The following VCL variants were observed in gnomAD, a reference collection of about 807,000 sequenced individuals.
The protein encoded by VCL is vinculin.
VCL carries 47 observed loss-of-function variants against 125.7 expected under a neutral mutation model. The observed-to-expected ratio is 0.37, with a 90% CI of 0.30 to 0.48. The LOEUF (loss-of-function observed/expected upper bound fraction) is 0.48. Ranked by LOEUF, VCL falls within the 20% of genes least tolerant of loss-of-function variation. The pLI is 0.99. For missense variants in VCL, 1,069 were observed against 1,455.5 expected, an observed-to-expected ratio of 0.73 and a Z score of 4.32; for synonymous variants, 458 against 514.6, an observed-to-expected ratio of 0.89 and a Z score of 1.49.
intron 8 of VCL, among the ~76,000 whole-genome samples, chr10:74,085,362 A>G (rs1167268050): frequency 1.3e-5 from 2 of 152,232 alleles, no homozygotes; most frequent in Non-Finnish European, 2.9e-5. Context: ...ATGGGGAGAA[A>G]GAAACATAGC....
chr10:74,118,683 C>T lies in VCL; in HGVS notation c.*514C>T, dbSNP rs1840349298. On this transcript the variant is annotated 3_prime_UTR_variant, in exon 22 of 22. Transcript: ENST00000211998. ...ACCTTCCTTCCCTGGGCTGTGCTAC[C>T]TGGGTCCTTTTCAGAAGTGAGCTTT... The T allele has an allele frequency of 1.0e-5, 2 of 196,954 alleles. No homozygotes were observed. Among genetic ancestry groups the T allele is most frequent in the Admixed American group, 1.1e-4 (2 of 18,944 alleles). The allele number at this position is 196,954 out of a possible 1,614,324, so 12.2% of individuals were successfully genotyped here.
At chr10:74,086,550 C>T (rs530649557) in intron 8 of VCL, among the ~76,000 whole-genome samples, 17 of 152,362 alleles carry the variant, frequency 1.1e-4, no homozygotes, top group African/African-American at 3.8e-4. Flanking sequence ...CTTCTGATTT[C>T]TCACTTTTGT....
rs1840048272 is a variant in VCL at position 74,101,161 on chromosome 10, A to G, written c.2022+64A>G. ...GAAAGTTAATTACAGAACAGTTTCT[A>G]TACATTTTTGAATACTTACCGTAAG... is the stretch of plus-strand genomic sequence containing the variant. On this transcript the variant is annotated intron_variant, in intron 14 of 21. Transcript: ENST00000211998. The G allele has an allele frequency of 5.1e-6, 8 of 1,570,544 alleles. No individual in the cohort carries two copies. The South Asian group carries it at 9.2e-5, about 18-fold the overall frequency.
At chr10:74,039,291 A>G (rs565158007) in intron 1 of VCL, among the ~76,000 whole-genome samples, 9 of 150,508 alleles carry the variant, frequency 6.0e-5, no homozygotes, top group African/African-American at 2.2e-4. Flanking sequence ...AAGTCCTAAT[A>G]ATATTTCTTC....
intron 1 of VCL, among the ~76,000 whole-genome samples, chr10:74,032,708 AAATAT>A (rs759305994): frequency 3.4e-5 from 3 of 87,542 alleles, no homozygotes; most frequent in Admixed American, 1.3e-4. Context: ...TCAAAAAAAA[AAATAT>A]ATATATATAT....
intron 2 of VCL, among the ~76,000 whole-genome samples, chr10:74,062,496 C>T (rs1376542252): frequency 6.6e-6 from 1 of 151,598 alleles, no homozygotes; most frequent in African/African-American, 2.4e-5. Flanking sequence ...GTGCCCAGCT[C>T]AATCTTTACT....
chr10:74,114,891 T>C lies in VCL; in HGVS notation c.3250T>C (p.Ser1084Pro), dbSNP rs1197638416. 5.0e-6 allele frequency: 8 copies of C among 1,590,546 alleles called. No individual in the cohort carries two copies. Among genetic ancestry groups the C allele is most frequent in the Non-Finnish European group, 6.8e-6 (8 of 1,168,660 alleles). Residue 1084 changes from serine to proline, a missense_variant, in exon 21 of 22, where the codon TCT (serine) becomes CCT (proline). Transcript: ENST00000211998. ...CCGGACCAACATCAGTGATGAGGAG[T>C]CTGAGCAGGTATGTGGCAGCTGTTT... ...LGRTNISDEE[S>P]EQATEMLVHN... is the part of the protein sequence containing the mutation.
chr10:74,090,281 C>T lies in VCL; in HGVS notation c.1352+83C>T, dbSNP rs547598093. The T allele has an allele frequency of 1.8e-4, 263 of 1,497,338 alleles. 5 individuals are homozygous for T. The South Asian group carries it at 2.4e-3, about 14-fold the overall frequency. The allele number at this position is 1,497,338 out of a possible 1,614,324, so 92.8% of individuals were successfully genotyped here. On this transcript the variant is annotated intron_variant, in intron 10 of 21. Coordinates refer to ENST00000211998, the MANE Select transcript of VCL (RefSeq NM_014000.3). ...TTCCCTCTCCCTTTCTTTCTTTCTT[C>T]CCCCAAGAACATACATATTTCAATT...
chr10:74,116,944 C>T (rs1840319437), intron 21 of VCL, among the ~76,000 whole-genome samples: 1 of 152,150 alleles, frequency 6.6e-6, no homozygotes, highest in Admixed American at 6.5e-5. Flanking sequence ...TCACCGCCTT[C>T]ATTAAATCCT....
chr10:74,104,355 C>A lies in VCL; in HGVS notation c.2131+427C>A, dbSNP rs533584047. On this transcript the variant is annotated intron_variant, in intron 15 of 21. Coordinates refer to ENST00000211998, the MANE Select transcript of VCL (RefSeq NM_014000.3). ...TTAATACAACTTGTCTCAAAGTTTCCTCCAACTTATCAACTACGTAGTTTT... is the reference window on the plus strand; with the variant it reads ...TTAATACAACTTGTCTCAAAGTTTCATCCAACTTATCAACTACGTAGTTTT... 2.0e-5 allele frequency among the ~76,000 whole-genome samples: 3 copies of A among 152,274 alleles called. No homozygotes were observed. The South Asian group carries it at 6.2e-4, about 32-fold the overall frequency.
chr10:74,094,861 G>A (rs761176306), intron 11 of VCL, among the ~76,000 whole-genome samples: 1 of 152,094 alleles, frequency 6.6e-6, no homozygotes, highest in Non-Finnish European at 1.5e-5. Flanking sequence ...TTGAGACCAG[G>A]AGTTCCAGTC....
intron 8 of VCL, among the ~76,000 whole-genome samples, chr10:74,087,513 ATTTTTTTT>A (rs1167937127): frequency 8.1e-6 from 1 of 123,078 alleles, no homozygotes; most frequent in African/African-American, 3.0e-5. Flanking sequence ...CGCCTGGCTA[ATTTTTTTT>A]TTTTTTTTTT....
chr10:74,099,142 C>T (rs1396717018), intron 13 of VCL, among the ~76,000 whole-genome samples: 5 of 152,180 alleles, frequency 3.3e-5, no homozygotes, highest in Admixed American at 6.5e-5. Context: ...AATAAAAATA[C>T]AACCTGACTC....
chr10:74,093,636 A>AT (rs142795063), intron 10 of VCL, among the ~76,000 whole-genome samples: 32 of 147,976 alleles, frequency 2.2e-4, no homozygotes, highest in South Asian at 4.3e-4. Flanking sequence ...TCCACGAAAT[A>AT]TTTTTTTTTT....
chr10:74,017,071 G>A (rs1281768546), intron 1 of VCL, among the ~76,000 whole-genome samples: 1 of 75,838 alleles, frequency 1.3e-5, no homozygotes, highest in Admixed American at 1.3e-4. Context: ...TTTTTGAGAC[G>A]GAGTCTCGCT....
intron 8 of VCL, 116 bp downstream of exon 8, chr10:74,083,629 G>T (rs1839716488): frequency 1.6e-6 from 2 of 1,250,060 alleles, no homozygotes; most frequent in African/African-American, 1.5e-5. Context: ...AGATAACAGA[G>T]ATATTATAGT....
chr10:74,010,887 G>T (rs566634801), intron 1 of VCL, among the ~76,000 whole-genome samples: 7 of 152,098 alleles, frequency 4.6e-5, no homozygotes, highest in Middle Eastern at 3.4e-3. Context: ...TAAGACATGG[G>T]GGCTGGGCAT....
intron 2 of VCL, among the ~76,000 whole-genome samples, chr10:74,068,954 G>T (rs1841617215): frequency 7.3e-6 from 1 of 136,918 alleles, no homozygotes; most frequent in Non-Finnish European, 1.5e-5. Context: ...AAATTAAAAA[G>T]AACAAAATAT....
chr10:74,084,334 C>T lies in VCL; in HGVS notation c.1022+821C>T, dbSNP rs891885569. Among the ~76,000 whole-genome samples the T allele has an allele frequency of 3.5e-4, 53 of 151,916 alleles. 2 individuals are homozygous for T. The highest frequency in any genetic ancestry group is 4.4e-5 in the Non-Finnish European group (3 of 67,998). On this transcript the variant is annotated intron_variant, in intron 8 of 21. Transcript: ENST00000211998. ...AGAGACGGAGTCTCGCTCTGTCACC[C>T]GGGCTGGCATGCAGTGGTGCAATCT...
Sources: allele counts gnomAD v4.1 joint callset (sites outside exome capture counted in the v4.1 genomes callset), GRCh38; gene constraint gnomAD v4.1.1; transcripts MANE v1.5; gene names NCBI Gene and HGNC (gene_info 2026-07-23, HGNC 2026-07-21).